Variants in MPZL1 observed in about 807,000 individuals in gnomAD.
The protein encoded by MPZL1 is myelin protein zero like 1.
In MPZL1, 16 loss-of-function variants were observed where a neutral mutation model predicts 29.3. The ratio of observed to expected loss-of-function variants is 0.55; its 90% CI spans 0.37 to 0.83. The LOEUF (loss-of-function observed/expected upper bound fraction) is 0.83, where lower values mean the gene tolerates loss of function less well. Ranked by LOEUF, MPZL1 falls within the 40% of genes least tolerant of loss-of-function variation. The pLI, the probability that MPZL1 is intolerant of heterozygous loss-of-function variation, is 0.00. For synonymous variants in MPZL1, 143 were observed against 132.0 expected (o/e 1.08, Z -0.57); for missense variants, 279 against 332.9 (o/e 0.84, Z 1.26).
At chr1:167,755,910 A>T (rs550029161) in intron 1 of MPZL1, among the ~76,000 whole-genome samples, 5 of 152,232 alleles carry the variant, frequency 3.3e-5, no homozygotes, top group African/African-American at 1.2e-4. Context: ...CAGGAGAGAG[A>T]GAGAGATGAA....
intron 1 of MPZL1, among the ~76,000 whole-genome samples, chr1:167,729,395 C>T (rs897412575): frequency 5.3e-5 from 8 of 152,140 alleles, no homozygotes; most frequent in African/African-American, 1.7e-4. Context: ...TTCCAGATAA[C>T]ACTTGGTAAA....
chr1:167,772,513 T>G, intron 3 of MPZL1, 25 bp downstream of exon 3: 1 of 1,576,858 alleles, frequency 6.3e-7, no homozygotes, highest in Non-Finnish European at 8.7e-7. Context: ...ATTTTGGCAG[T>G]AATAATGCAG....
At position 167,787,865 on chromosome 1, in the gene MPZL1, A is replaced by G. The variant is rs1661621407; in HGVS notation, c.754A>G (p.Ser252Gly). The change falls in exon 6 of 6, where the codon AGT (serine) becomes GGT (glycine). Residue 252 changes from serine (S) to glycine (G), a missense_variant. Coordinates refer to ENST00000359523, the MANE Select transcript of MPZL1 (RefSeq NM_003953.6). ...GTTAGACCACTCCGGCGGACATCAC[A>G]GTGACAAGATTAACAAGTCAGAGTC... is the stretch of plus-strand genomic sequence containing the variant. The part of the protein sequence containing the change: ...AQLDHSGGHH[S>G]DKINKSESVV... The G allele has an allele frequency of 3.7e-6, 6 of 1,613,888 alleles. No individual in the cohort carries two copies. Among genetic ancestry groups the G allele is most frequent in the Non-Finnish European group, 4.2e-6 (5 of 1,179,862 alleles).
chr1:167,751,766 A>G (rs1362597315), intron 1 of MPZL1, among the ~76,000 whole-genome samples: 1 of 152,194 alleles, frequency 6.6e-6, no homozygotes, highest in African/African-American at 2.4e-5. Flanking sequence ...AGGTTTATAC[A>G]TGTAAAAATA....
intron 1 of MPZL1, among the ~76,000 whole-genome samples, chr1:167,742,813 A>G (rs1373475491): frequency 1.3e-5 from 2 of 152,104 alleles, no homozygotes; most frequent in African/African-American, 4.8e-5. Context: ...TTTTTGTATA[A>G]GGTGAGAGAT....
chr1:167,757,740 G>C (rs192776960), intron 1 of MPZL1, among the ~76,000 whole-genome samples: 69 of 152,320 alleles, frequency 4.5e-4, no homozygotes, highest in Non-Finnish European at 9.1e-4. Flanking sequence ...TAAATTGCTT[G>C]ATTGTACTCT....
chr1:167,775,982 CAG>C (rs1661357421), intron 4 of MPZL1, 80 bp from the exon 5 acceptor site: 1 of 867,726 alleles, frequency 1.2e-6, no homozygotes, highest in African/African-American at 1.8e-5. Flanking sequence ...ATCTTGCCGT[CAG>C]TTGCATTTCT....
chr1:167,733,919 T>C lies in MPZL1; in HGVS notation c.91+11677T>C, dbSNP rs191149059. On this transcript the variant is annotated intron_variant, in intron 1 of 5. Transcript: ENST00000359523. Reference sequence around the variant, plus strand: ...CCCTGTTTAAAAAAAAAAAAAGATATGTCCTCTGGACACTCACAGGTGAGT... The same window carrying C: ...CCCTGTTTAAAAAAAAAAAAAGATACGTCCTCTGGACACTCACAGGTGAGT... Among the ~76,000 whole-genome samples the C allele has an allele frequency of 2.3e-3, 343 of 150,418 alleles. 3 individuals are homozygous for C. Among genetic ancestry groups the C allele is most frequent in the African/African-American group, 8.0e-3 (328 of 40,978 alleles).
At chr1:167,786,089 G>A (rs931423696) in intron 5 of MPZL1, among the ~76,000 whole-genome samples, 6 of 152,184 alleles carry the variant, frequency 3.9e-5, no homozygotes, top group Admixed American at 6.5e-5. Context: ...CACCACACCC[G>A]GCCGAAAACA....
chr1:167,767,610 T>C (rs1476801195), intron 2 of MPZL1, among the ~76,000 whole-genome samples: 1 of 152,224 alleles, frequency 6.6e-6, no homozygotes, highest in East Asian at 1.9e-4. Context: ...TTCCAAAATG[T>C]CGGGACACAT....
intron 5 of MPZL1, among the ~76,000 whole-genome samples, chr1:167,786,438 C>T (rs1445244206): frequency 1.3e-5 from 2 of 152,118 alleles, no homozygotes; most frequent in Admixed American, 6.5e-5. Flanking sequence ...ATTAGTAGTA[C>T]CATTTTAGAG....
chr1:167,752,653 TC>T (rs1660782446), intron 1 of MPZL1, among the ~76,000 whole-genome samples: 1 of 152,204 alleles, frequency 6.6e-6, no homozygotes, highest in South Asian at 2.1e-4. Flanking sequence ...TACTTTCTGT[TC>T]AAGGGTGAGT....
intron 1 of MPZL1, among the ~76,000 whole-genome samples, chr1:167,752,246 T>C (rs55965594): frequency 1.4e-3 from 209 of 152,328 alleles, no homozygotes; most frequent in African/African-American, 4.5e-3. Context: ...TTCCCTGACC[T>C]CTTCATTTTT....
chr1:167,740,177 A>G (rs1054455164), intron 1 of MPZL1, among the ~76,000 whole-genome samples: 2 of 152,174 alleles, frequency 1.3e-5, no homozygotes, highest in Non-Finnish European at 2.9e-5. Context: ...TCTTACTACA[A>G]TACAAACATG....
At chr1:167,724,556 A>G (rs1277172855) in intron 1 of MPZL1, among the ~76,000 whole-genome samples, 2 of 152,208 alleles carry the variant, frequency 1.3e-5, no homozygotes, top group Admixed American at 6.5e-5. Context: ...GGAAACATTG[A>G]TGCAGGCTTG....
Position 167,728,650 on chromosome 1 carries a change from T to C in MPZL1, c.91+6408T>C, listed in dbSNP as rs193229059. Among the ~76,000 whole-genome samples the C allele has an allele frequency of 4.1e-5, 6 of 147,196 alleles. No homozygotes were observed. In the East Asian group the frequency reaches 1.2e-3, roughly 30 times the overall value. On this transcript the variant is annotated intron_variant, in intron 1 of 5. Transcript: ENST00000359523. ...TAGGTTTCTTCTTCTAAACTCAGAG[T>C]CTCTAGAAACTGTGATACCTTATGA...
chr1:167,752,029 C>T, intron 1 of MPZL1, among the ~76,000 whole-genome samples: 1 of 152,190 alleles, frequency 6.6e-6, no homozygotes, highest in Non-Finnish European at 1.5e-5. Context: ...CCGTGATGCC[C>T]ACTTCCTACA....
intron 2 of MPZL1, among the ~76,000 whole-genome samples, chr1:167,769,744 C>G (rs763711467): frequency 3.3e-5 from 5 of 152,036 alleles, no homozygotes; most frequent in Non-Finnish European, 7.3e-5. Context: ...ATAATAATAA[C>G]CATTATTCTT....
Position 167,789,301 on chromosome 1 carries a change from C to T in MPZL1, c.*1380C>T, listed in dbSNP as rs899159505. 3 of 151,902 alleles carry T rather than the reference C, an allele frequency of 2.0e-5. No homozygotes were observed. The highest frequency in any genetic ancestry group is 6.6e-5 in the Admixed American group (1 of 15,240). The allele number at this position is 151,902 out of a possible 1,614,324, so 9.4% of individuals were successfully genotyped here. Reference sequence around the variant, plus strand: ...TTTTCTGAATTTTTTTTTAAATTTCCCCCCTTTTAAAATTGTTCGAAAGCC... The same window carrying T: ...TTTTCTGAATTTTTTTTTAAATTTCTCCCCTTTTAAAATTGTTCGAAAGCC... On this transcript the variant is annotated 3_prime_UTR_variant, in exon 6 of 6. Coordinates refer to ENST00000359523, the MANE Select transcript of MPZL1 (RefSeq NM_003953.6).
Sources: gnomAD v4.1 joint callset for allele counts (sites outside exome capture counted in the v4.1 genomes callset) on GRCh38, gnomAD v4.1.1 for gene constraint, MANE v1.5 for transcripts, NCBI Gene and HGNC (gene_info 2026-07-23, HGNC 2026-07-21) for gene names.